Variants in POLR2F observed in about 807,000 individuals in gnomAD.
POLR2F encodes RNA polymerase II, I and III subunit F.
A neutral mutation model predicts 22.7 loss-of-function variants in POLR2F; 12 were observed. The ratio of observed to expected loss-of-function variants is 0.53; its 90% CI spans 0.34 to 0.86. POLR2F has a LOEUF of 0.86. Ranked by LOEUF, POLR2F falls within the 40% of genes least tolerant of loss-of-function variation. The pLI is 0.02. For missense variants in POLR2F, 126 were observed against 171.5 expected (o/e 0.73, Z 1.48); for synonymous variants, 57 against 66.0 (o/e 0.86, Z 0.66).
At chr22:38,014,354 ATTTT>A (rs918855178) in intron 1 of POLR2F, among the ~76,000 whole-genome samples, 7 of 135,204 alleles carry the variant, frequency 5.2e-5, no homozygotes, top group Non-Finnish European at 9.7e-5. Flanking sequence ...TATTTTTTTT[ATTTT>A]TTTTTTTTTG....
chr22:38,040,302 A>AAAG (rs1555948714), intron 5 of POLR2F: 2 of 152,142 alleles, frequency 1.3e-5, no homozygotes, highest in African/African-American at 2.4e-5. Context: ...AAAAAAAAAA[A>AAAG]AAAGAAATTG....
At chr22:38,025,357 T>C (rs1412993734) in intron 1 of POLR2F, among the ~76,000 whole-genome samples, 1 of 151,544 alleles carries the variant, frequency 6.6e-6, no homozygotes, top group Admixed American at 6.6e-5. Flanking sequence ...AATCACAACG[T>C]ACACACACAC....
chr22:37,967,992 C>CT lies in POLR2F; in HGVS notation c.*278dup. 9.1e-7 allele frequency: 1 copy of CT among 1,094,258 alleles called. No homozygotes were observed. Among genetic ancestry groups the CT allele is most frequent in the African/African-American group, 1.7e-5 (1 of 60,356 alleles). The allele number at this position is 1,094,258 out of a possible 1,614,324, so 67.8% of individuals were successfully genotyped here. The stretch of plus-strand genomic sequence containing the variant: ...TCCCTGTTCCCCAGAGCAAAGGCTG[C>CT]TGCAGGGGAGACACCTCAGCTGCCT... On this transcript the variant is annotated 3_prime_UTR_variant, in exon 5 of 5. Coordinates refer to ENST00000442738, the MANE Select transcript of POLR2F (RefSeq NM_021974.5).
At chr22:37,969,919 C>T (rs1336236657), downstream of POLR2F, among the ~76,000 whole-genome samples, 1 of 152,120 alleles carries the variant, frequency 6.6e-6, no homozygotes. Flanking sequence ...CATCAGTAGT[C>T]TCCATGCCAC....
chr22:38,038,533 G>A (rs768587268), intron 5 of POLR2F, among the ~76,000 whole-genome samples: 1 of 152,054 alleles, frequency 6.6e-6, no homozygotes, highest in Non-Finnish European at 1.5e-5. Flanking sequence ...GTGTGCCCTC[G>A]CTCCTCCCCA....
intron 5 of POLR2F, among the ~76,000 whole-genome samples, chr22:38,035,151 GTC>G (rs1035048305): frequency 4.6e-5 from 7 of 151,956 alleles, no homozygotes; most frequent in African/African-American, 1.5e-4. Context: ...CCCTGTGTGT[GTC>G]TCTCTCTCTC....
chr22:38,028,924 A>G (rs551874895), downstream of POLR2F, among the ~76,000 whole-genome samples: 2 of 152,206 alleles, frequency 1.3e-5, no homozygotes, highest in African/African-American at 4.8e-5. Flanking sequence ...ACTCCATCAC[A>G]GCTCATTGAT....
intron 1 of POLR2F, among the ~76,000 whole-genome samples, chr22:38,020,418 C>T (rs1484559728): frequency 6.6e-6 from 1 of 151,280 alleles, no homozygotes; most frequent in Non-Finnish European, 1.5e-5. Context: ...GTGTGCACCA[C>T]CACACCTGGC....
intron 5 of POLR2F, chr22:38,041,042 G>A (rs764496192): frequency 2.0e-5 from 33 of 1,612,862 alleles, no homozygotes; most frequent in African/African-American, 1.1e-4. Flanking sequence ...AGACGGCACC[G>A]TAGTTATCCC....
chr22:37,964,173 C>G (rs1931762142), intron 3 of POLR2F, among the ~76,000 whole-genome samples: 1 of 151,636 alleles, frequency 6.6e-6, no homozygotes, highest in South Asian at 2.1e-4. Context: ...GGAGATAGAC[C>G]TGTGCACAGG....
At chr22:38,006,315 G>A (rs1325914808) in intron 1 of POLR2F, among the ~76,000 whole-genome samples, 1 of 152,202 alleles carries the variant, frequency 6.6e-6, no homozygotes, top group Non-Finnish European at 1.5e-5. Flanking sequence ...AGTGAGCGAG[G>A]CAGTGAGCAG....
rs1176035141 is a variant in POLR2F at position 37,986,406 on chromosome 22, C to T, written c.120+94C>T. ...CTGTGTCTGTGACTGGCCTGAGACC[C>T]GCCTGGGGCAGGAGGGGTGGTTGTG... is the stretch of plus-strand genomic sequence containing the variant. On this transcript the variant is annotated intron_variant, in intron 1 of 2. Coordinates refer to the POLR2F transcript ENST00000333418. This position sits in a 1 kb window ranked among gnomAD's most constrained non-coding sequence, Gnocchi z 4.7. 1.5e-5 allele frequency: 23 copies of T among 1,531,076 alleles called. No homozygotes were observed. The highest frequency in any genetic ancestry group is 2.7e-5 in the African/African-American group (2 of 72,968). 94.8% of individuals were successfully genotyped at this position (1,531,076 alleles called of 1,614,324 possible). A position where few individuals can be genotyped will look rare whatever the true frequency, so the allele number is the denominator to read the frequency against.
At chr22:37,956,101 G>T (rs537458261) in intron 1 of POLR2F, among the ~76,000 whole-genome samples, 4 of 151,068 alleles carry the variant, frequency 2.6e-5, no homozygotes, top group African/African-American at 4.9e-5. Flanking sequence ...GGCGGGGGGG[G>T]GTTTTGAGAC....
chr22:38,011,267 A>G (rs1042976755), intron 1 of POLR2F, among the ~76,000 whole-genome samples: 1 of 151,376 alleles, frequency 6.6e-6, no homozygotes, highest in Non-Finnish European at 1.5e-5. Flanking sequence ...TGCCTAGCTA[A>G]TTTTTGTATT....
chr22:38,027,223 C>T (rs1261234263), downstream of POLR2F, among the ~76,000 whole-genome samples: 1 of 152,198 alleles, frequency 6.6e-6, no homozygotes, highest in Admixed American at 6.5e-5. Flanking sequence ...TATTGAGTTC[C>T]TCCTACCTGC....
chr22:37,973,625 G>C (rs1385481745), downstream of POLR2F: 1 of 1,613,714 alleles, frequency 6.2e-7, no homozygotes, highest in East Asian at 2.2e-5. Context: ...ATAGGAGAAG[G>C]CCGAGTAGAG....
intron 2 of POLR2F, 30 bp from the exon 3 acceptor site, chr22:37,959,316 T>G (rs745600229): frequency 2.0e-5 from 32 of 1,609,438 alleles, no homozygotes; most frequent in Non-Finnish European, 2.6e-5. Flanking sequence ...GCCACCTGAG[T>G]CTTTCCCTCT....
chr22:37,998,581 C>G (rs543098789), intron 1 of POLR2F, among the ~76,000 whole-genome samples: 14 of 152,244 alleles, frequency 9.2e-5, no homozygotes, highest in Non-Finnish European at 8.8e-5. Flanking sequence ...GGAAGGAGCC[C>G]CTGTTCCTTC....
chr22:38,020,303 C>G (rs1278730675), intron 1 of POLR2F, among the ~76,000 whole-genome samples: 1 of 151,826 alleles, frequency 6.6e-6, no homozygotes, highest in Admixed American at 6.6e-5. Context: ...CTCATATTGT[C>G]TCTCAGGCTG....
Sources: gnomAD v4.1 joint callset for allele counts (sites outside exome capture counted in the v4.1 genomes callset) on GRCh38, gnomAD v4.1.1 for gene constraint, Gnocchi (gnomAD v3.1) non-coding constraint, MANE v1.5 for transcripts, NCBI Gene and HGNC (gene_info 2026-07-23, HGNC 2026-07-21) for gene names.